OR10H5: variants seen among roughly 807,000 people sequenced by gnomAD.
OR10H5 encodes olfactory receptor 10H5.
In OR10H5, 7 loss-of-function variants were observed where a neutral mutation model predicts 12.2. The ratio of observed to expected loss-of-function variants is 0.57; its 90% CI spans 0.33 to 1.07. The LOEUF (loss-of-function observed/expected upper bound fraction) is 1.07, where lower values mean the gene tolerates loss of function less well. Among genes scored for constraint, OR10H5 ranks in the 50% least tolerant of loss-of-function variants. The probability of loss-of-function intolerance (pLI) is 0.04; values close to 1 mark genes in which losing one functional copy is unlikely to be tolerated. For missense variants in OR10H5, 346 were observed against 411.6 expected, an observed-to-expected ratio of 0.84 and a Z score of 1.38; for synonymous variants, 159 against 175.1, an observed-to-expected ratio of 0.91 and a Z score of 0.73.
Position 15,797,243 on chromosome 19 carries a change from C to T in OR10H5, c.*2247C>T, listed in dbSNP as rs2088844077. Reference sequence around the variant, plus strand: ...GGATCCCAAATGTTAAACTTCCACCCCCATCACCTCGAGTTGTCATGGAAA... The same window carrying T: ...GGATCCCAAATGTTAAACTTCCACCTCCATCACCTCGAGTTGTCATGGAAA... On this transcript the variant is annotated 3_prime_UTR_variant, in exon 2 of 2. Coordinates refer to ENST00000642092, the MANE Select transcript of OR10H5 (RefSeq NM_001004466.2). 1 of 152,172 alleles carries T rather than the reference C, an allele frequency of 6.6e-6. No homozygotes were observed. Among genetic ancestry groups the T allele is most frequent in the African/African-American group, 2.4e-5 (1 of 41,454 alleles). The allele number at this position is 152,172 out of a possible 1,614,324, so 9.4% of individuals were successfully genotyped here.
chr19:15,794,722 C>A lies in OR10H5; in HGVS notation c.674C>A (p.Ala225Asp). The A allele has an allele frequency of 3.1e-6, 5 of 1,613,764 alleles. No individual in the cohort carries two copies. The highest frequency in any genetic ancestry group is 1.7e-4 in the Middle Eastern group (1 of 6,060). Residue 225 changes from alanine (A) to aspartate (D), a missense_variant, in exon 2 of 2, where the codon GCC (alanine) becomes GAC (aspartate). Physicochemically the swap from Ala to Asp is moderately radical, Grantham distance 126. Transcript: ENST00000642092. ...CTCTCCTATGCCTTCATCGTGGCCG[C>A]CATCTTGAAGATCCCTTCTGCTGAA... ...ILLSYAFIVA[A>D]ILKIPSAEGR... is the part of the protein sequence containing the mutation.
In OR10H5 at chr19:15,796,112, ATTAAG is replaced by A. The variant is rs1287136452; in HGVS notation, c.*1121_*1125del. 1 of 152,200 alleles carries A rather than the reference ATTAAG, an allele frequency of 6.6e-6. No individual in the cohort carries two copies. The highest frequency in any genetic ancestry group is 2.4e-5 in the African/African-American group (1 of 41,456). 9.4% of individuals were successfully genotyped at this position (152,200 alleles called of 1,614,324 possible). A position where few individuals can be genotyped will look rare whatever the true frequency, so the allele number is the denominator to read the frequency against. Reference sequence around the variant, plus strand: ...GATGAGGAAGCTAAGTTATGAAGAGATTAAGTTAATTAGCCAAAGGTCTTGTCACT... The same window carrying A: ...GATGAGGAAGCTAAGTTATGAAGAGATTAATTAGCCAAAGGTCTTGTCACT... On this transcript the variant is annotated 3_prime_UTR_variant, in exon 2 of 2. Coordinates refer to ENST00000642092, the MANE Select transcript of OR10H5 (RefSeq NM_001004466.2).
Sources: gnomAD v4.1 joint callset for allele counts on GRCh38, gnomAD v4.1.1 for gene constraint, MANE v1.5 for transcripts, NCBI Gene and HGNC (gene_info 2026-07-23, HGNC 2026-07-21) for gene names.